The following PAPPA2 variants were observed in gnomAD, a reference collection of about 807,000 sequenced individuals.
PAPPA2 encodes the protein pappalysin 2, also known as pappalysin-2.
PAPPA2 carries 86 observed loss-of-function variants against 176.4 expected under a neutral mutation model. The observed-to-expected ratio is 0.49, with a 90% CI of 0.41 to 0.58. The LOEUF (loss-of-function observed/expected upper bound fraction) is 0.58. Ranked by LOEUF, PAPPA2 falls within the 20% of genes least tolerant of loss-of-function variation. PAPPA2 has a pLI of 0.00. For missense variants in PAPPA2, 2,073 were observed against 2,256.9 expected, an observed-to-expected ratio of 0.92 and a Z score of 1.65; for synonymous variants, 809 against 852.2, an observed-to-expected ratio of 0.95 and a Z score of 0.88.
intron 1 of PAPPA2, among the ~76,000 whole-genome samples, chr1:176,518,465 A>C (rs1027523874): frequency 1.3e-5 from 2 of 152,148 alleles, no homozygotes; most frequent in Admixed American, 6.5e-5. Flanking sequence ...AAAAAAAAAA[A>C]AAAACAAACA....
At chr1:176,468,657 T>G (rs1651738387) in intron 1 of PAPPA2, among the ~76,000 whole-genome samples, 1 of 152,144 alleles carries the variant, frequency 6.6e-6, no homozygotes, top group African/African-American at 2.4e-5. Context: ...CCCCCTCATC[T>G]TTCATGTGAA....
intron 3 of PAPPA2, among the ~76,000 whole-genome samples, chr1:176,626,621 TAGAC>T (rs1656035372): frequency 1.3e-5 from 2 of 152,320 alleles, no homozygotes; most frequent in South Asian, 2.1e-4. Flanking sequence ...AATAAAAACT[TAGAC>T]AGTGTTTTGG....
intron 3 of PAPPA2, among the ~76,000 whole-genome samples, chr1:176,652,761 G>A (rs1657805434): frequency 6.6e-6 from 1 of 151,654 alleles, no homozygotes; most frequent in Admixed American, 6.6e-5. Flanking sequence ...AGATAGTGGG[G>A]AAGCTAATTG....
chr1:176,517,620 A>G (rs1237166121), intron 1 of PAPPA2, among the ~76,000 whole-genome samples: 1 of 152,188 alleles, frequency 6.6e-6, no homozygotes, highest in Non-Finnish European at 1.5e-5. Context: ...ATGCAATTAA[A>G]AACAGGTGAC....
At chr1:176,626,503 G>C (rs1308715496) in intron 3 of PAPPA2, among the ~76,000 whole-genome samples, 4 of 152,150 alleles carry the variant, frequency 2.6e-5, no homozygotes. Context: ...ATAGTGTACA[G>C]CCATGCTCCT....
chr1:176,777,468 G>T (rs1664512052), intron 17 of PAPPA2, among the ~76,000 whole-genome samples: 1 of 152,080 alleles, frequency 6.6e-6, no homozygotes. Context: ...GGAATTTCTA[G>T]AATTAAGTTT....
At chr1:176,508,922 T>A (rs1558408367) in intron 1 of PAPPA2, among the ~76,000 whole-genome samples, 1 of 152,076 alleles carries the variant, frequency 6.6e-6, no homozygotes, top group African/African-American at 2.4e-5. Context: ...CAATTAGACC[T>A]TTTTTTTAAA....
chr1:176,574,070 A>G (rs766588069), intron 2 of PAPPA2, among the ~76,000 whole-genome samples: 8 of 152,198 alleles, frequency 5.3e-5, no homozygotes, highest in South Asian at 2.1e-4. Flanking sequence ...TGTTGATTCA[A>G]TCCATTAGTG....
intron 1 of PAPPA2, among the ~76,000 whole-genome samples, chr1:176,530,603 C>CA (rs11300125): frequency 0.023 from 3,295 of 146,242 alleles, 50 homozygotes; most frequent in African/African-American, 0.04. Flanking sequence ...TCATCTCATG[C>CA]AAAAAAAAAA....
rs1362222977 is a variant in PAPPA2 at position 176,538,012 on chromosome 1, TC to T, written c.-916-17394del. Among the ~76,000 whole-genome samples, 3 of 152,040 alleles carry T rather than the reference TC, an allele frequency of 2.0e-5. No homozygotes were observed. The East Asian group carries it at 5.8e-4, about 29-fold the overall frequency. On this transcript the variant is annotated intron_variant, in intron 1 of 22. Transcript: ENST00000367662. ...CTCTCTTTCTCTCTCTCCCTCTCTC[TC>T]TCCTTTGAGACCCTGAAAAGCTTTA...
At chr1:176,805,439 AAG>A (rs1241675136) in intron 21 of PAPPA2, among the ~76,000 whole-genome samples, 1 of 152,144 alleles carries the variant, frequency 6.6e-6, no homozygotes, top group Non-Finnish European at 1.5e-5. Context: ...TCTTTTTAAA[AAG>A]AGAGAGCTGC....
chr1:176,477,258 A>C (rs11580456), intron 1 of PAPPA2, among the ~76,000 whole-genome samples: 8,538 of 152,218 alleles, frequency 0.056, 293 homozygotes, highest in Middle Eastern at 0.11. Context: ...TTGAAGGCTC[A>C]AGAATTGGGG....
chr1:176,711,727 G>A, intron 11 of PAPPA2, 108 bp from the exon 12 acceptor site: 2 of 1,238,784 alleles, frequency 1.6e-6, no homozygotes, highest in South Asian at 2.9e-5. Context: ...GTGATCATTA[G>A]GCATTCAGAA....
chr1:176,480,198 C>T (rs1020482874), intron 1 of PAPPA2, among the ~76,000 whole-genome samples: 8 of 152,206 alleles, frequency 5.3e-5, no homozygotes, highest in East Asian at 1.9e-4. Context: ...GGGCCTCCTC[C>T]GTGCCCAGCT....
intron 4 of PAPPA2, among the ~76,000 whole-genome samples, chr1:176,678,102 G>T (rs900787099): frequency 6.6e-6 from 1 of 152,174 alleles, no homozygotes; most frequent in Non-Finnish European, 1.5e-5. Context: ...GCATTCCAGA[G>T]TGGAAGAACT....
At chr1:176,627,143 C>T (rs2102702746) in intron 3 of PAPPA2, among the ~76,000 whole-genome samples, 1 of 152,218 alleles carries the variant, frequency 6.6e-6, no homozygotes, top group South Asian at 2.1e-4. Flanking sequence ...GTTCTTGAGG[C>T]ATCTAGCTAC....
At chr1:176,659,813 G>A (rs541121518) in intron 3 of PAPPA2, among the ~76,000 whole-genome samples, 73 of 152,150 alleles carry the variant, frequency 4.8e-4, no homozygotes, top group Middle Eastern at 3.4e-3. Flanking sequence ...ATCAGCTGCT[G>A]CTTAAATATT....
chr1:176,549,941 C>T (rs1172011534), intron 1 of PAPPA2, among the ~76,000 whole-genome samples: 1 of 152,196 alleles, frequency 6.6e-6, no homozygotes. Context: ...GCATCATCAC[C>T]ACAACCAAGA....
intron 2 of PAPPA2, among the ~76,000 whole-genome samples, chr1:176,562,691 G>A (rs930717838): frequency 6.6e-6 from 1 of 152,206 alleles, no homozygotes; most frequent in African/African-American, 2.4e-5. Flanking sequence ...GTTGGTTTCT[G>A]GGGATGGATT....
Sources: gnomAD v4.1 joint callset for allele counts (sites outside exome capture counted in the v4.1 genomes callset) on GRCh38, gnomAD v4.1.1 for gene constraint, MANE v1.5 for transcripts, NCBI Gene and HGNC (gene_info 2026-07-23, HGNC 2026-07-21) for gene names.